The following CRTC1 variants were observed in gnomAD, a reference collection of about 807,000 sequenced individuals.
CRTC1 encodes the protein CREB regulated transcription coactivator 1.
In CRTC1, 18 loss-of-function variants were observed where a neutral mutation model predicts 66.1. The ratio of observed to expected loss-of-function variants is 0.27; its 90% confidence interval spans 0.19 to 0.40. The LOEUF (loss-of-function observed/expected upper bound fraction) is 0.40. CRTC1 is among the 10% of genes least tolerant of loss of function. The pLI is 1.00. For synonymous variants in CRTC1, 416 were observed against 398.8 expected, an observed-to-expected ratio of 1.04 and a Z score of -0.51; for missense variants, 669 against 887.9, an observed-to-expected ratio of 0.75 and a Z score of 3.13.
rs148662910 is a variant in CRTC1, at chr19:18,720,375, A to G, written c.127-22535A>G. ...TCTTTCTTTTTCTTTTTTTTGAGAC[A>G]GTCTCGCTCTGTCACCCAGGCTGGA... is the stretch of plus-strand genomic sequence containing the variant. On this transcript the variant is annotated intron_variant, in intron 1 of 13. Transcript: ENST00000321949. Among the ~76,000 whole-genome samples, 907 of 150,426 alleles carry G rather than the reference A, an allele frequency of 6.0e-3. 18 individuals are homozygous for G. The highest frequency in any genetic ancestry group is 0.021 in the African/African-American group (858 of 40,794).
intron 1 of CRTC1, among the ~76,000 whole-genome samples, chr19:18,733,336 GC>G (rs1370092072): frequency 6.6e-6 from 1 of 152,176 alleles, no homozygotes; most frequent in Non-Finnish European, 1.5e-5. Context: ...TGTGCGCTCA[GC>G]CCCCGAGGGA....
chr19:18,768,339 A>G lies in CRTC1; in HGVS notation c.1012-146A>G. Reference sequence around the variant, plus strand: ...CACCCTCTCTAGCCTGGGCTCCCTCATCGTGAGGAGCACCCAGCCCAGGGG... The same window carrying G: ...CACCCTCTCTAGCCTGGGCTCCCTCGTCGTGAGGAGCACCCAGCCCAGGGG... On this transcript the variant is annotated intron_variant, in intron 9 of 13. Transcript: ENST00000321949. This position sits in a 1 kb window ranked among gnomAD's most constrained non-coding sequence, Gnocchi z 5.6. 1.5e-6 allele frequency: 1 copy of G among 667,116 alleles called. No homozygotes were observed. The highest frequency in any genetic ancestry group is 2.5e-6 in the Non-Finnish European group (1 of 399,992). The allele number at this position is 667,116 out of a possible 1,614,324, so 41.3% of individuals were successfully genotyped here.
rs2055019870 is a variant in CRTC1, at chr19:18,777,537, C to T, written c.*155C>T. On this transcript the variant is annotated 3_prime_UTR_variant, in exon 14 of 14. Coordinates refer to ENST00000321949, the MANE Select transcript of CRTC1 (RefSeq NM_015321.3). This position sits in a 1 kb window ranked among gnomAD's most constrained non-coding sequence, Gnocchi z 5.5. ...CGCCAGCCCGCCCCCGGTTGTCCAC[C>T]TCCCGCGAAGCCCAATCGCGAGGCC... 1.4e-6 allele frequency: 1 copy of T among 707,852 alleles called. No individual in the cohort carries two copies. Among genetic ancestry groups the T allele is most frequent in the Non-Finnish European group, 2.4e-6 (1 of 424,348 alleles). The allele number at this position is 707,852 out of a possible 1,614,324, so 43.8% of individuals were successfully genotyped here.
chr19:18,718,773 GTATGA>G (rs1421843390), intron 1 of CRTC1, among the ~76,000 whole-genome samples: 1 of 152,184 alleles, frequency 6.6e-6, no homozygotes, highest in African/African-American at 2.4e-5. Flanking sequence ...ACACACTCAT[GTATGA>G]TTGTCTTCAT....
At chr19:18,711,507 A>T (rs555694071) in intron 1 of CRTC1, among the ~76,000 whole-genome samples, 6 of 152,170 alleles carry the variant, frequency 3.9e-5, no homozygotes, top group African/African-American at 1.4e-4. Context: ...AAGAAAAAAA[A>T]AGTAAAAGTT....
At position 18,760,071 on chromosome 19, in the gene CRTC1, G is replaced by A. The variant is rs775286954; in HGVS notation, c.729G>A (p.Gly243=). 3.1e-6 allele frequency: 5 copies of A among 1,613,036 alleles called. No homozygotes were observed. The Admixed American group carries it at 6.7e-5, about 22-fold the overall frequency. The change falls in exon 8 of 14, where the codon GGG becomes GGA. Residue 243 remains glycine (G), a synonymous_variant. Coordinates refer to ENST00000321949, the MANE Select transcript of CRTC1 (RefSeq NM_015321.3). This position sits in a 1 kb window ranked among gnomAD's most constrained non-coding sequence, Gnocchi z 6.2. ...TGATCCCCGCCACCCACAACACAGGGGGGTCCCTGCCCGACCTGACCAACA... is the reference window on the plus strand; with the variant it reads ...TGATCCCCGCCACCCACAACACAGGAGGGTCCCTGCCCGACCTGACCAACA... ...TALIPATHNT[G]GSLPDLTNIH...
At chr19:18,753,752 G>A (rs187563066) in intron 6 of CRTC1, among the ~76,000 whole-genome samples, 167 bp downstream of exon 6, 1 of 152,224 alleles carries the variant, frequency 6.6e-6, no homozygotes, top group East Asian at 1.9e-4. Context: ...TAGGTCTGTT[G>A]ATCACTAAGA....
At position 18,717,403 on chromosome 19, in the gene CRTC1, G is replaced by A. The variant is rs551591111; in HGVS notation, c.127-25507G>A. 2.6e-5 allele frequency among the ~76,000 whole-genome samples: 4 copies of A among 152,160 alleles called. No homozygotes were observed. The East Asian group carries it at 7.7e-4, about 29-fold the overall frequency. ...GCCCTTGGGGTCAAGGGCATCCCTG[G>A]AGCCCTTGCCATAGATGCTGAGCTG... On this transcript the variant is annotated intron_variant, in intron 1 of 13. Coordinates refer to ENST00000321949, the MANE Select transcript of CRTC1 (RefSeq NM_015321.3).
intron 1 of CRTC1, among the ~76,000 whole-genome samples, chr19:18,738,544 G>A (rs924707943): frequency 6.6e-6 from 1 of 151,814 alleles, no homozygotes; most frequent in South Asian, 2.1e-4. Context: ...GCTCACTCCT[G>A]TAATCCCAGC....
intron 1 of CRTC1, among the ~76,000 whole-genome samples, chr19:18,735,329 G>A (rs2053973773): frequency 6.6e-6 from 1 of 152,200 alleles, no homozygotes; most frequent in African/African-American, 2.4e-5. Context: ...ATCCCTGCTG[G>A]TGCATCTGGT....
At chr19:18,756,763 G>A (rs1420267897) in intron 6 of CRTC1, among the ~76,000 whole-genome samples, 3 of 152,176 alleles carry the variant, frequency 2.0e-5, no homozygotes, top group Non-Finnish European at 4.4e-5. Flanking sequence ...CCTTGCAGAG[G>A]GAGACACACC....
At chr19:18,759,633 C>T (rs372944935) in intron 7 of CRTC1, 42 bp downstream of exon 7, 21 of 1,597,604 alleles carry the variant, frequency 1.3e-5, no homozygotes, top group South Asian at 6.7e-5. Context: ...GCATCTGCTG[C>T]GCTGCTCCGT....
intron 1 of CRTC1, among the ~76,000 whole-genome samples, chr19:18,737,739 G>GCTCCTCCTCCTCCTCCTGCTC (rs1555782703): frequency 0.17 from 25,538 of 149,714 alleles, 2,304 homozygotes; most frequent in East Asian, 0.29. Context: ...TCCTGCTGCT[G>GCTCCTCCTCCTCCTCCTGCTC]CTCCTCCTCC....
intron 1 of CRTC1, among the ~76,000 whole-genome samples, chr19:18,735,445 G>A (rs1276987697): frequency 1.3e-5 from 2 of 152,192 alleles, no homozygotes; most frequent in African/African-American, 4.8e-5. Flanking sequence ...GCACTGGATC[G>A]AGGCGCACGC....
At chr19:18,742,608 C>T (rs1055303549) in intron 1 of CRTC1, among the ~76,000 whole-genome samples, 2 of 152,338 alleles carry the variant, frequency 1.3e-5, no homozygotes, top group Middle Eastern at 3.4e-3. Context: ...GCCTCTCTTG[C>T]CCATTCACTG....
chr19:18,745,241 G>T (rs1440431749), intron 2 of CRTC1, among the ~76,000 whole-genome samples: 1 of 152,206 alleles, frequency 6.6e-6, no homozygotes, highest in South Asian at 2.1e-4. Flanking sequence ...TGCCTGGAGT[G>T]CCTGGAGGAG....
Position 18,759,401 on chromosome 19 carries a change from G to A in CRTC1, c.625-150G>A, listed in dbSNP as rs1460194232. The A allele has an allele frequency of 7.5e-6, 6 of 803,818 alleles. No homozygotes were observed. The East Asian group carries it at 1.6e-4, about 22-fold the overall frequency. 49.8% of individuals were successfully genotyped at this position (803,818 alleles called of 1,614,324 possible). A position where few individuals can be genotyped will look rare whatever the true frequency, so the allele number is the denominator to read the frequency against. ...GGGGCGGTGCCCCTGTCCTCCATCT[G>A]TGGGGCTCTGCGGCCCCAGCAAGCT... On this transcript the variant is annotated intron_variant, in intron 6 of 13. Transcript: ENST00000321949.
At chr19:18,686,435 G>A in intron 1 of CRTC1, among the ~76,000 whole-genome samples, 1 of 152,160 alleles carries the variant, frequency 6.6e-6, no homozygotes, top group South Asian at 2.1e-4. Flanking sequence ...ATGACCTGAG[G>A]TCAGGAGTTC....
At chr19:18,689,762 C>T (rs1207585603) in intron 1 of CRTC1, among the ~76,000 whole-genome samples, 2 of 150,984 alleles carry the variant, frequency 1.3e-5, no homozygotes, top group Admixed American at 6.6e-5. Context: ...GGGTTGTTTC[C>T]ACCTTTGGCT....
Sources: gnomAD v4.1 joint callset for allele counts (sites outside exome capture counted in the v4.1 genomes callset) on GRCh38, gnomAD v4.1.1 for gene constraint, Gnocchi (gnomAD v3.1) non-coding constraint, MANE v1.5 for transcripts, NCBI Gene and HGNC (gene_info 2026-07-23, HGNC 2026-07-21) for gene names.